KCNQ5: variants seen among roughly 807,000 people sequenced by gnomAD.
KCNQ5 encodes the protein potassium voltage-gated channel subfamily Q member 5, also known as potassium voltage-gated channel subfamily KQT member 5.
KCNQ5 carries 30 observed loss-of-function variants against 98.2 expected under a neutral mutation model. That is an observed-to-expected ratio of 0.31 (90% CI 0.23 to 0.41). The LOEUF (loss-of-function observed/expected upper bound fraction) is 0.41, where lower values mean the gene tolerates loss of function less well. Ranked by LOEUF, KCNQ5 falls within the 10% of genes least tolerant of loss-of-function variation. The pLI is 1.00. For missense variants in KCNQ5, 835 were observed against 1,182.5 expected (o/e 0.71, Z 4.31); for synonymous variants, 458 against 449.4 (o/e 1.02, Z -0.24).
chr6:72,941,166 C>T (rs1451009671), intron 1 of KCNQ5, among the ~76,000 whole-genome samples: 1 of 152,036 alleles, frequency 6.6e-6, no homozygotes, highest in African/African-American at 2.4e-5. Context: ...AATTTTATTT[C>T]TTTTGCCTTC....
intron 1 of KCNQ5, among the ~76,000 whole-genome samples, chr6:72,838,534 A>G (rs34869343): frequency 8.5e-5 from 13 of 152,190 alleles, no homozygotes; most frequent in Admixed American, 6.5e-4. Flanking sequence ...CTAAAGAAAC[A>G]CCAACACTTA....
At chr6:73,118,648 T>A (rs1468002950) in intron 7 of KCNQ5, among the ~76,000 whole-genome samples, 1 of 152,232 alleles carries the variant, frequency 6.6e-6, no homozygotes. Context: ...GGAAAAGGAA[T>A]ATTGTTAGAT....
chr6:72,885,820 G>A (rs1193896742), intron 1 of KCNQ5, among the ~76,000 whole-genome samples: 1 of 152,082 alleles, frequency 6.6e-6, no homozygotes, highest in Non-Finnish European at 1.5e-5. Flanking sequence ...AAGGGCAATT[G>A]CTGCAAAAAA....
At chr6:72,880,196 C>T (rs1057443018) in intron 1 of KCNQ5, among the ~76,000 whole-genome samples, 1 of 152,108 alleles carries the variant, frequency 6.6e-6, no homozygotes, top group Non-Finnish European at 1.5e-5. Context: ...TTTCAAGGGA[C>T]AAAATAATAT....
At chr6:72,839,368 C>G (rs967022162) in intron 1 of KCNQ5, among the ~76,000 whole-genome samples, 1 of 151,934 alleles carries the variant, frequency 6.6e-6, no homozygotes, top group African/African-American at 2.4e-5. Context: ...AAAATATTTG[C>G]CTTATAATTC....
intron 3 of KCNQ5, among the ~76,000 whole-genome samples, chr6:73,047,682 CAT>C (rs907116768): frequency 1.3e-4 from 20 of 152,196 alleles, no homozygotes; most frequent in Non-Finnish European, 8.8e-5. Context: ...TGTACTATCA[CAT>C]GTTACATAAG....
At chr6:72,821,247 A>G (rs1319840028) in intron 1 of KCNQ5, among the ~76,000 whole-genome samples, 1 of 152,208 alleles carries the variant, frequency 6.6e-6, no homozygotes, top group East Asian at 1.9e-4. Flanking sequence ...AAATCTCTCC[A>G]CAAAAGAAGC....
chr6:73,057,341 A>AG (rs59958068), intron 3 of KCNQ5, among the ~76,000 whole-genome samples: 1 of 92,566 alleles, frequency 1.1e-5, no homozygotes, highest in African/African-American at 4.2e-5. Context: ...GGTGGGGGGA[A>AG]GGGGGGGAGG....
At chr6:72,912,500 G>T (rs1779981928) in intron 1 of KCNQ5, among the ~76,000 whole-genome samples, 1 of 152,114 alleles carries the variant, frequency 6.6e-6, no homozygotes, top group Non-Finnish European at 1.5e-5. Context: ...CTTGTGTAAT[G>T]CAAAATGCTC....
At chr6:72,983,801 C>A (rs1768599851) in intron 1 of KCNQ5, among the ~76,000 whole-genome samples, 1 of 151,770 alleles carries the variant, frequency 6.6e-6, no homozygotes, top group African/African-American at 2.4e-5. Flanking sequence ...TTCTCCCCAT[C>A]TTCGTGGTTT....
intron 1 of KCNQ5, among the ~76,000 whole-genome samples, chr6:72,736,502 C>CTTTTTTTTTTTTTTTT (rs752921476): frequency 1.7e-5 from 2 of 121,060 alleles, no homozygotes; most frequent in African/African-American, 7.4e-5. Context: ...AAAAAGATTT[C>CTTTTTTTTTTTTTTTT]TTTTTTTTTT....
chr6:72,655,975 A>T (rs902341030), intron 1 of KCNQ5, among the ~76,000 whole-genome samples: 2 of 152,198 alleles, frequency 1.3e-5, no homozygotes, highest in Non-Finnish European at 2.9e-5. Flanking sequence ...ATTCAGGAAC[A>T]TTCCATACAT....
chr6:73,160,786 G>C (rs1777589528), intron 10 of KCNQ5, among the ~76,000 whole-genome samples: 1 of 152,094 alleles, frequency 6.6e-6, no homozygotes, highest in African/African-American at 2.4e-5. Flanking sequence ...GCTATACATC[G>C]CATTCTTCCA....
At chr6:72,715,653 G>T (rs905106784) in intron 1 of KCNQ5, among the ~76,000 whole-genome samples, 16 of 151,916 alleles carry the variant, frequency 1.1e-4, no homozygotes, top group Non-Finnish European at 2.9e-5. Flanking sequence ...CTAGAAATAT[G>T]GATGCCTCTA....
intron 1 of KCNQ5, among the ~76,000 whole-genome samples, chr6:72,977,539 G>C (rs374144235): frequency 1.3e-5 from 2 of 152,278 alleles, no homozygotes; most frequent in East Asian, 3.9e-4. Flanking sequence ...GATAAAAGCA[G>C]TTCCATAGAA....
intron 1 of KCNQ5, among the ~76,000 whole-genome samples, chr6:72,773,533 A>G (rs1399703898): frequency 4.6e-5 from 7 of 152,142 alleles, no homozygotes; most frequent in Non-Finnish European, 8.8e-5. Flanking sequence ...GCAAACCACC[A>G]TGGCATGTGT....
At chr6:72,636,317 A>C (rs1201057043) in intron 1 of KCNQ5, among the ~76,000 whole-genome samples, 1 of 152,206 alleles carries the variant, frequency 6.6e-6, no homozygotes, top group Non-Finnish European at 1.5e-5. Context: ...TAGATCTATA[A>C]TCTGGCATCA....
chr6:72,733,922 A>G (rs1341964993), intron 1 of KCNQ5, among the ~76,000 whole-genome samples: 1 of 152,176 alleles, frequency 6.6e-6, no homozygotes, highest in African/African-American at 2.4e-5. Flanking sequence ...CTACTCAGTA[A>G]TTCAGGTATA....
intron 1 of KCNQ5, among the ~76,000 whole-genome samples, chr6:72,691,809 T>G (rs749341111): frequency 6.6e-6 from 1 of 152,204 alleles, no homozygotes; most frequent in African/African-American, 2.4e-5. Context: ...TCATTAGTTC[T>G]TAGTGGATTT....
Sources: gnomAD v4.1 joint callset for allele counts (sites outside exome capture counted in the v4.1 genomes callset) on GRCh38, gnomAD v4.1.1 for gene constraint, MANE v1.5 for transcripts, NCBI Gene and HGNC (gene_info 2026-07-23, HGNC 2026-07-21) for gene names.